The following PSPC1 variants were observed in gnomAD, a reference collection of about 807,000 sequenced individuals.
The protein encoded by PSPC1 is paraspeckle protein 1.
PSPC1 carries 14 observed loss-of-function variants against 51.6 expected under a neutral mutation model. The ratio of observed to expected loss-of-function variants is 0.27; its 90% CI spans 0.18 to 0.42. PSPC1 has a LOEUF of 0.42. Among genes scored for constraint, PSPC1 ranks in the 10% least tolerant of loss-of-function variants. The pLI is 1.00. For synonymous variants in PSPC1, 193 were observed against 231.9 expected, an observed-to-expected ratio of 0.83 and a Z score of 1.53; for missense variants, 406 against 701.1, an observed-to-expected ratio of 0.58 and a Z score of 4.75.
intron 2 of PSPC1, among the ~76,000 whole-genome samples, chr13:19,766,721 G>C (rs1250359038): frequency 6.6e-6 from 1 of 151,948 alleles, no homozygotes; most frequent in African/African-American, 2.4e-5. Context: ...TGGGTGTGGT[G>C]GTGCATGCCT....
intron 6 of PSPC1, among the ~76,000 whole-genome samples, chr13:19,713,190 A>T (rs914749118): frequency 6.6e-6 from 1 of 152,208 alleles, no homozygotes; most frequent in Non-Finnish European, 1.5e-5. Flanking sequence ...ATATTTTTAC[A>T]AATTTTAATA....
intron 7 of PSPC1, among the ~76,000 whole-genome samples, chr13:19,707,995 G>A (rs1223082069): frequency 3.3e-5 from 5 of 151,998 alleles, no homozygotes; most frequent in Admixed American, 3.3e-4. Context: ...AACACTCTTG[G>A]TTCATTAATT....
chr13:19,711,790 A>G (rs1176395059), intron 6 of PSPC1, among the ~76,000 whole-genome samples: 1 of 151,108 alleles, frequency 6.6e-6, no homozygotes, highest in African/African-American at 2.4e-5. Flanking sequence ...GTTGCAATGA[A>G]CCAAGATTGC....
chr13:19,752,866 G>T (rs1177913321), intron 3 of PSPC1, among the ~76,000 whole-genome samples: 5 of 151,868 alleles, frequency 3.3e-5, no homozygotes, highest in Admixed American at 2.0e-4. Context: ...GATTACAGGC[G>T]TGAGCCACCG....
At chr13:19,757,125 G>A (rs1444165896) in intron 3 of PSPC1, among the ~76,000 whole-genome samples, 3 of 85,550 alleles carry the variant, frequency 3.5e-5, no homozygotes, top group Non-Finnish European at 7.7e-5. Flanking sequence ...GTGAGACTCC[G>A]TCTCAAAAAA....
chr13:19,724,773 C>T (rs1390138963), intron 6 of PSPC1, among the ~76,000 whole-genome samples: 5 of 152,024 alleles, frequency 3.3e-5, no homozygotes, highest in Non-Finnish European at 5.9e-5. Context: ...GCCGAGCGGG[C>T]GGATCACCTG....
chr13:19,696,519 G>GCA (rs34618199), intron 6 of PSPC1, among the ~76,000 whole-genome samples: 14,306 of 148,854 alleles, frequency 0.096, 766 homozygotes, highest in African/African-American at 0.14. Context: ...ACACACATAC[G>GCA]CACACACACA....
chr13:19,769,539 C>T (rs951256181), intron 2 of PSPC1, among the ~76,000 whole-genome samples: 18 of 148,658 alleles, frequency 1.2e-4, no homozygotes, highest in Non-Finnish European at 1.8e-4. Flanking sequence ...GGGGACAGAG[C>T]GAGACTCCGT....
chr13:19,682,878 ATAGTGAGAGACCCT>A (rs1418870327), intron 6 of PSPC1, among the ~76,000 whole-genome samples: 1 of 151,808 alleles, frequency 6.6e-6, no homozygotes, highest in African/African-American at 2.4e-5. Context: ...CCTGGGTAAC[ATAGTGAGAGACCCT>A]GTCTCTCACT....
chr13:19,709,446 A>G (rs1317106263), intron 7 of PSPC1, 96 bp downstream of exon 7: 26 of 949,260 alleles, frequency 2.7e-5, no homozygotes, highest in Middle Eastern at 4.4e-4. Context: ...TTGGTTCTGT[A>G]TTTTAGTTTC....
chr13:19,770,046 GGA>G lies in PSPC1; in HGVS notation c.674+2194_674+2195del, dbSNP rs750055341. ...ACTCAAATATCCATCCATATGTCAC[GGA>G]CAAAACATAGTTATGTCCATACCAT... On this transcript the variant is annotated intron_variant, in intron 2 of 8. Transcript: ENST00000338910. Among the ~76,000 whole-genome samples, 339 of 82,442 alleles carry G rather than the reference GGA, an allele frequency of 4.1e-3. 3 individuals are homozygous for G. Among genetic ancestry groups the G allele is most frequent in the Non-Finnish European group, 9.5e-3 (270 of 28,282 alleles). 54.1% of individuals were successfully genotyped at this position (82,442 alleles called of 152,430 possible). A position where few individuals can be genotyped will look rare whatever the true frequency, so the allele number is the denominator to read the frequency against.
intron 3 of PSPC1, among the ~76,000 whole-genome samples, chr13:19,755,588 C>CAA (rs1043280221): frequency 9.7e-5 from 11 of 113,856 alleles, no homozygotes; most frequent in African/African-American, 9.8e-5. Context: ...AACTCCATCT[C>CAA]AAAAAAAAAA....
intron 2 of PSPC1, among the ~76,000 whole-genome samples, chr13:19,764,408 T>G (rs189789357): frequency 6.6e-6 from 1 of 152,310 alleles, no homozygotes; most frequent in Non-Finnish European, 1.5e-5. Flanking sequence ...GGGGTTTTCA[T>G]GTTTTCTGTA....
rs1278927570 is a variant in PSPC1, at chr13:19,769,026, G to A, written c.674+3216C>T. Among the ~76,000 whole-genome samples, 5 of 150,588 alleles carry A rather than the reference G, an allele frequency of 3.3e-5. 2 individuals are homozygous for A. Among genetic ancestry groups the A allele is most frequent in the African/African-American group, 9.8e-5 (4 of 40,688 alleles). Reference sequence around the variant, plus strand: ...ATAGTGGTGCATGCCTGTAGTCCCAGCTACTCAGGAGGCTGAGGCACAATA... The same window carrying A: ...ATAGTGGTGCATGCCTGTAGTCCCAACTACTCAGGAGGCTGAGGCACAATA... On this transcript the variant is annotated intron_variant, in intron 2 of 8. Coordinates refer to ENST00000338910, the MANE Select transcript of PSPC1 (RefSeq NM_001354909.2).
chr13:19,709,471 A>C (rs576255705), intron 7 of PSPC1, 71 bp downstream of exon 7: 59 of 1,213,860 alleles, frequency 4.9e-5, no homozygotes, highest in African/African-American at 3.9e-4. Context: ...TGATATGTAG[A>C]TACCACAAAC....
intron 6 of PSPC1, among the ~76,000 whole-genome samples, chr13:19,726,450 T>C (rs1039116513): frequency 5.3e-5 from 8 of 152,206 alleles, no homozygotes; most frequent in Non-Finnish European, 8.8e-5. Context: ...GTTCCACAAA[T>C]ATATTGCAAG....
At chr13:19,725,094 T>C (rs919552021) in intron 6 of PSPC1, among the ~76,000 whole-genome samples, 5 of 152,124 alleles carry the variant, frequency 3.3e-5, no homozygotes, top group African/African-American at 1.2e-4. Context: ...GGAGAAACAC[T>C]TGCACCTGGG....
At chr13:19,771,428 G>A (rs946916262) in intron 2 of PSPC1, among the ~76,000 whole-genome samples, 1 of 151,886 alleles carries the variant, frequency 6.6e-6, no homozygotes, top group African/African-American at 2.4e-5. Flanking sequence ...ATAAGCCACC[G>A]CGCCTGGCCC....
At chr13:19,736,488 C>A (rs577025310) in intron 5 of PSPC1, among the ~76,000 whole-genome samples, 16 of 151,980 alleles carry the variant, frequency 1.1e-4, no homozygotes, top group African/African-American at 3.4e-4. Context: ...TCGAGACCAT[C>A]CTGGCTAACA....
Sources: gnomAD v4.1 joint callset for allele counts (sites outside exome capture counted in the v4.1 genomes callset) on GRCh38, gnomAD v4.1.1 for gene constraint, MANE v1.5 for transcripts, NCBI Gene and HGNC (gene_info 2026-07-23, HGNC 2026-07-21) for gene names.